The following RXRB variants were observed in gnomAD, a reference collection of about 807,000 sequenced individuals.
The protein encoded by RXRB is retinoic acid receptor RXR-beta.
RXRB carries 18 observed loss-of-function variants against 52.5 expected under a neutral mutation model. That is an observed-to-expected ratio of 0.34 (90% CI 0.24 to 0.51). RXRB has a LOEUF of 0.51. RXRB is among the 20% of genes least tolerant of loss of function. RXRB has a pLI of 0.97. For missense variants in RXRB, 455 were observed against 698.2 expected (o/e 0.65, Z 3.92); for synonymous variants, 233 against 267.1 (o/e 0.87, Z 1.25).
rs1340220172 is a variant in RXRB, at chr6:33,196,802, G to A, written c.821-196C>T. The stretch of plus-strand genomic sequence containing the variant: ...ATAAAAGGGCAGGTAAGTCAGTCGG[G>A]AAGGGTGAGGTAGGTAAAAGAATTA... On this transcript the variant is annotated intron_variant, in intron 4 of 9. Transcript: ENST00000374680. This position sits in a 1 kb window ranked among gnomAD's most constrained non-coding sequence, Gnocchi z 4.0. Among the ~76,000 whole-genome samples, 2 of 152,142 alleles carry A rather than the reference G, an allele frequency of 1.3e-5. No individual in the cohort carries two copies. Among genetic ancestry groups the A allele is most frequent in the Non-Finnish European group, 2.9e-5 (2 of 68,022 alleles).
In RXRB at chr6:33,197,838, T is replaced by C. The variant is rs967189820; in HGVS notation, c.744A>G (p.Thr248=). 6 of 1,613,814 alleles carry C rather than the reference T, an allele frequency of 3.7e-6. No individual in the cohort carries two copies. The African/African-American group carries it at 4.0e-5, about 11-fold the overall frequency. The change falls in exon 4 of 10, where the codon ACA becomes ACG. Residue 248 remains threonine (T), a synonymous_variant. Transcript: ENST00000374680. The surrounding 1 kb of genome is among the most constrained non-coding windows in gnomAD (Gnocchi z 4.4). The part of the protein sequence containing the change: ...TYSCRDNKDC[T]VDKRQRNRCQ... ...AGCGGTTCCGCTGGCGCTTGTCCACTGTGCAGTCTTTGTTGTCCCGGCAAG... is the reference window on the plus strand; with the variant it reads ...AGCGGTTCCGCTGGCGCTTGTCCACCGTGCAGTCTTTGTTGTCCCGGCAAG...
rs553083818 is a variant in RXRB at position 33,198,159 on chromosome 6, C to T, written c.640+149G>A. 1.7e-4 allele frequency: 213 copies of T among 1,218,738 alleles called. 1 individual carries two copies. The East Asian group carries it at 4.8e-3, about 28-fold the overall frequency. 75.5% of individuals were successfully genotyped at this position (1,218,738 alleles called of 1,614,324 possible). On this transcript the variant is annotated intron_variant, in intron 3 of 9. Transcript: ENST00000374680. ...TTCCCTCTGACCTTCCCCCCAATCG[C>T]GTCCTACATCTCAGCTTCAGCTTCT...
Position 33,199,223 on chromosome 6 carries a change from A to T in RXRB, c.429T>A (p.Pro143=). Residue 143 remains proline (P), a synonymous_variant, in exon 2 of 10, where the codon CCT becomes CCA. Transcript: ENST00000374680. ...CTGGGGGAGCTGGAGGGGGCAGACC[A>T]GGGGACCCCATGGAAGAACTGATGA... is the stretch of plus-strand genomic sequence containing the variant. The part of the protein sequence containing the change: ...FPVISSSMGS[P]GLPPPAPPGF... 1 of 1,195,514 alleles carries T rather than the reference A, an allele frequency of 8.4e-7. No homozygotes were observed. The highest frequency in any genetic ancestry group is 1.0e-6 in the Non-Finnish European group (1 of 961,822). The allele number at this position is 1,195,514 out of a possible 1,614,324, so 74.1% of individuals were successfully genotyped here. A position where few individuals can be genotyped will look rare whatever the true frequency, so the allele number is the denominator to read the frequency against.
Position 33,200,587 on chromosome 6 carries a change from T to A in RXRB, c.-111A>T. 1 of 1,489,852 alleles carries A rather than the reference T, an allele frequency of 6.7e-7. No homozygotes were observed. Among genetic ancestry groups the A allele is most frequent in the Non-Finnish European group, 8.9e-7 (1 of 1,120,160 alleles). The allele number at this position is 1,489,852 out of a possible 1,614,324, so 92.3% of individuals were successfully genotyped here. ...CCTGAGAGAAAGACTCTGGCCTGGA[T>A]TGGGTCGAATTAAGCCCGTCGCTCT... On this transcript the variant is annotated 5_prime_UTR_variant, in exon 1 of 10. Transcript: ENST00000374680. This position sits in a 1 kb window ranked among gnomAD's most constrained non-coding sequence, Gnocchi z 6.3.
Position 33,196,586 on chromosome 6 carries a change from G to A in RXRB, c.841C>T (p.Arg281Trp). ...CCATCCCCATCCTTGTCCTTTCCCC[G>A]CTGACGCTCCTCCTGTACCGCTGCA... ...KREAVQEERQRGKDKDGDGEG... is the reference protein window; with the variant it reads ...KREAVQEERQWGKDKDGDGEG... The change falls in exon 5 of 10, where the codon CGG (arginine) becomes TGG (tryptophan). Residue 281 changes from arginine to tryptophan, a missense_variant. Arg to Trp is a moderately radical substitution (Grantham distance 101). Coordinates refer to ENST00000374680, the MANE Select transcript of RXRB (RefSeq NM_021976.5). The surrounding 1 kb of genome is among the most constrained non-coding windows in gnomAD (Gnocchi z 4.0). The A allele has an allele frequency of 1.9e-6, 3 of 1,605,838 alleles. No homozygotes were observed. Among genetic ancestry groups the A allele is most frequent in the Non-Finnish European group, 2.6e-6 (3 of 1,175,992 alleles).
chr6:33,200,243 C>G lies in RXRB; in HGVS notation c.234G>C (p.Arg78=), dbSNP rs985130441. The part of the protein sequence containing the change: ...AGRDGMGDSG[R]DSRSPDSSSP... Reference sequence around the variant, plus strand: ...CTGCCCTTCTGCTGGGGCACTCACCCCGCCCGCTGTCGCCCATCCCGTCCC... The same window carrying G: ...CTGCCCTTCTGCTGGGGCACTCACCGCGCCCGCTGTCGCCCATCCCGTCCC... The change falls in exon 1 of 10, where the codon CGG becomes CGC. Residue 78 remains arginine (R), a splice_region_variant and synonymous_variant. Transcript: ENST00000374680. The surrounding 1 kb of genome is among the most constrained non-coding windows in gnomAD (Gnocchi z 6.3). 1 of 1,606,244 alleles carries G rather than the reference C, an allele frequency of 6.2e-7. No homozygotes were observed. The highest frequency in any genetic ancestry group is 8.5e-7 in the Non-Finnish European group (1 of 1,177,912).
At position 33,195,577 on chromosome 6, in the gene RXRB, A is replaced by C; in HGVS notation, c.1249T>G (p.Phe417Val). ...SAHSAGVGAI[F>V]DRVLTELVSK... ...TAGCCGAGGGCCACTGACCGATCAA[A>C]GATGGCTCCTACTCCTGCTGAATGG... The change falls in exon 7 of 10, where the codon TTT becomes GTT. Residue 417 changes from phenylalanine to valine, a missense_variant. This residue lies in a region of RXRB where 115 missense variants were observed against 253.1 expected (regional missense o/e 0.45). Coordinates refer to ENST00000374680, the MANE Select transcript of RXRB (RefSeq NM_021976.5). This position sits in a 1 kb window ranked among gnomAD's most constrained non-coding sequence, Gnocchi z 8.6. 2 of 1,613,120 alleles carry C rather than the reference A, an allele frequency of 1.2e-6. No homozygotes were observed. The highest frequency in any genetic ancestry group is 1.7e-6 in the Non-Finnish European group (2 of 1,180,034).
At position 33,200,660 on chromosome 6, in the gene RXRB, G is replaced by C; in HGVS notation, c.-184C>G. On this transcript the variant is annotated 5_prime_UTR_variant, in exon 1 of 10. Transcript: ENST00000374680. This position sits in a 1 kb window ranked among gnomAD's most constrained non-coding sequence, Gnocchi z 6.3. ...CCAATGTGGCAGCCATCTTTGTACAGACGGGAAGTCTCGGCGCGAGTTCCC... is the reference window on the plus strand; with the variant it reads ...CCAATGTGGCAGCCATCTTTGTACACACGGGAAGTCTCGGCGCGAGTTCCC... The C allele has an allele frequency of 6.5e-7, 1 of 1,536,698 alleles. No homozygotes were observed. Among genetic ancestry groups the C allele is most frequent in the Non-Finnish European group, 8.8e-7 (1 of 1,141,392 alleles).
In RXRB at chr6:33,197,723, G is replaced by A. The variant is rs1774024501; in HGVS notation, c.820+39C>T. 2 of 1,597,926 alleles carry A rather than the reference G, an allele frequency of 1.3e-6. No individual in the cohort carries two copies. The highest frequency in any genetic ancestry group is 3.4e-5 in the Admixed American group (2 of 59,636). On this transcript the variant is annotated intron_variant, in intron 4 of 9. Transcript: ENST00000374680. The surrounding 1 kb of genome is among the most constrained non-coding windows in gnomAD (Gnocchi z 4.4). ...AGTCTGAGTGGGATAAGGGAGAAGGGCATGTGGTCTAAGACGCCTGGGCAG... is the reference window on the plus strand; with the variant it reads ...AGTCTGAGTGGGATAAGGGAGAAGGACATGTGGTCTAAGACGCCTGGGCAG...
rs555258814 is a variant in RXRB at position 33,195,167 on chromosome 6, G to C, written c.1349-117C>G. ...GGCTGCACTTGCTTGCCCTTTACCA[G>C]AGGCCTGGCAAGGGAAGCAGGGCCC... On this transcript the variant is annotated intron_variant, in intron 8 of 9. Coordinates refer to ENST00000374680, the MANE Select transcript of RXRB (RefSeq NM_021976.5). This position sits in a 1 kb window ranked among gnomAD's most constrained non-coding sequence, Gnocchi z 8.6. The C allele has an allele frequency of 1.1e-4, 91 of 851,796 alleles. No individual in the cohort carries two copies. Among genetic ancestry groups the C allele is most frequent in the Non-Finnish European group, 5.8e-6 (3 of 515,660 alleles). The allele number at this position is 851,796 out of a possible 1,614,324, so 52.8% of individuals were successfully genotyped here.
chr6:33,195,983 C>T lies in RXRB; in HGVS notation c.1047G>A (p.Thr349=), dbSNP rs753878230. Reference sequence around the variant, plus strand: ...GGATCCTCTTCGCCCACTCAACAAGCGTGAATAGCTGTTTGTCAGCTGCCT... The same window carrying T: ...GGATCCTCTTCGCCCACTCAACAAGTGTGAATAGCTGTTTGTCAGCTGCCT... ...ICQAADKQLF[T]LVEWAKRIPH... Residue 349 remains threonine (T), a synonymous_variant, in exon 6 of 10, where the codon ACG becomes ACA. Transcript: ENST00000374680. The surrounding 1 kb of genome is among the most constrained non-coding windows in gnomAD (Gnocchi z 8.6). 4 of 1,613,030 alleles carry T rather than the reference C, an allele frequency of 2.5e-6. No homozygotes were observed. The highest frequency in any genetic ancestry group is 1.7e-4 in the Middle Eastern group (1 of 6,050).
chr6:33,197,874 G>C lies in RXRB; in HGVS notation c.708C>G (p.Asp236Glu). Residue 236 changes from aspartate to glutamate, a missense_variant, in exon 4 of 10, where the codon GAC (aspartate) becomes GAG (glutamate). Transcript: ENST00000374680. This position sits in a 1 kb window ranked among gnomAD's most constrained non-coding sequence, Gnocchi z 4.4. The part of the protein sequence containing the change: ...KGFFKRTIRK[D>E]LTYSCRDNKD... Reference sequence around the variant, plus strand: ...TGTTGTCCCGGCAAGAGTATGTAAGGTCTTTGCGGATGGTGCGTTTGAAGA... The same window carrying C: ...TGTTGTCCCGGCAAGAGTATGTAAGCTCTTTGCGGATGGTGCGTTTGAAGA... The C allele has an allele frequency of 1.9e-6, 3 of 1,613,748 alleles. No individual in the cohort carries two copies. Among genetic ancestry groups the C allele is most frequent in the Non-Finnish European group, 2.5e-6 (3 of 1,180,014 alleles).
chr6:33,200,712 GA>G, upstream of RXRB: 3 of 1,546,630 alleles, frequency 1.9e-6, no homozygotes, highest in Non-Finnish European at 2.6e-6. This position sits in a 1 kb window ranked among gnomAD's most constrained non-coding sequence, Gnocchi z 6.3. Context: ...GGAAACCGAG[GA>G]GGCGGTCTCC....
At position 33,200,406 on chromosome 6, in the gene RXRB, AC is replaced by A; in HGVS notation, c.70del (p.Val24CysfsTer156). Reference protein sequence around the residue: ...HAAGQCGPVGVRKEMHCGVAS... With the variant: ...HAAGQCGPVGXRKEMHCGVAS... ...GACCCCACAATGCATTTCTTTTCGC[AC>A]CCCCACCGGCCCACACTGCCCTGCG... is the stretch of plus-strand genomic sequence containing the variant. On this transcript the variant is annotated frameshift_variant, in exon 1 of 10. Transcript: ENST00000374680. LOFTEE classifies it high-confidence loss of function. The surrounding 1 kb of genome is among the most constrained non-coding windows in gnomAD (Gnocchi z 6.3). 6.4e-7 allele frequency: 1 copy of A among 1,569,014 alleles called. No individual in the cohort carries two copies. Among genetic ancestry groups the A allele is most frequent in the Non-Finnish European group, 8.6e-7 (1 of 1,159,298 alleles).
Position 33,199,257 on chromosome 6 carries a change from G to T in RXRB, c.395C>A (p.Pro132His). Residue 132 changes from proline to histidine, a missense_variant, in exon 2 of 10, where the codon CCC becomes CAC. By Grantham distance (77) the Pro-to-His change is moderately conservative. Around this residue, in one of 4 missense-constraint regions of RXRB, gnomAD observed 225 missense variants for 258.6 expected, o/e 0.87. Coordinates refer to ENST00000374680, the MANE Select transcript of RXRB (RefSeq NM_021976.5). ...PPMPPPPLGS[P>H]FPVISSSMGS... is the part of the protein sequence containing the mutation. ...CATGGAAGAACTGATGACTGGAAAG[G>T]GAGAGCCCAGTGGGGGTGGTGGCAT... The T allele has an allele frequency of 8.9e-7, 1 of 1,120,984 alleles. No individual in the cohort carries two copies. The highest frequency in any genetic ancestry group is 3.1e-5 in the East Asian group (1 of 32,704). The allele number at this position is 1,120,984 out of a possible 1,614,324, so 69.4% of individuals were successfully genotyped here.
At position 33,194,752 on chromosome 6, in the gene RXRB, T is replaced by C. The variant is rs762982753; in HGVS notation, c.1532A>G (p.Lys511Arg). The stretch of plus-strand genomic sequence containing the variant: ...GTCGATGGGGGTGTCACCAATGAGC[T>C]TGAAGAAAAACAGATGCTCTAGACA... ...LKCLEHLFFF[K>R]LIGDTPIDTF... Residue 511 changes from lysine to arginine, a missense_variant, in exon 10 of 10, where the codon AAG becomes AGG. This residue lies in a region of RXRB where 115 missense variants were observed against 253.1 expected (regional missense o/e 0.45). Transcript: ENST00000374680. This position sits in a 1 kb window ranked among gnomAD's most constrained non-coding sequence, Gnocchi z 4.1. The C allele has an allele frequency of 1.2e-6, 2 of 1,613,028 alleles. No individual in the cohort carries two copies. The highest frequency in any genetic ancestry group is 3.3e-5 in the Admixed American group (2 of 60,026).
At chr6:33,198,639 G>C (rs896764319) in intron 2 of RXRB, 175 bp from the exon 3 acceptor site, 2 of 721,108 alleles carry the variant, frequency 2.8e-6, no homozygotes, top group Non-Finnish European at 2.5e-6. Flanking sequence ...ACCCCAAAGT[G>C]AATAAACAGG....
chr6:33,200,638 A>C lies in RXRB; in HGVS notation c.-162T>G. 2 of 1,516,948 alleles carry C rather than the reference A, an allele frequency of 1.3e-6. No individual in the cohort carries two copies. Among genetic ancestry groups the C allele is most frequent in the Non-Finnish European group, 8.8e-7 (1 of 1,131,230 alleles). The allele number at this position is 1,516,948 out of a possible 1,614,324, so 94.0% of individuals were successfully genotyped here. A position where few individuals can be genotyped will look rare whatever the true frequency, so the allele number is the denominator to read the frequency against. On this transcript the variant is annotated 5_prime_UTR_variant, in exon 1 of 10. Coordinates refer to ENST00000374680, the MANE Select transcript of RXRB (RefSeq NM_021976.5). The surrounding 1 kb of genome is among the most constrained non-coding windows in gnomAD (Gnocchi z 6.3). ...GCTCAGTACCAAAATGACAGCGCCA[A>C]TGTGGCAGCCATCTTTGTACAGACG...
intron 1 of RXRB, chr6:33,199,679 A>G (rs1774277568): frequency 2.1e-6 from 1 of 478,102 alleles, no homozygotes; most frequent in Admixed American, 3.3e-5. Context: ...TCCCACTGCT[A>G]TATTTGACTG....
Sources: gnomAD v4.1 joint callset for allele counts (sites outside exome capture counted in the v4.1 genomes callset) on GRCh38, gnomAD v4.1.1 for gene constraint, gnomAD v4.1.1 regional missense constraint, Gnocchi (gnomAD v3.1) non-coding constraint, MANE v1.5 for transcripts, NCBI Gene and HGNC (gene_info 2026-07-23, HGNC 2026-07-21) for gene names.